The following CDH18 variants were observed in gnomAD, a reference collection of about 807,000 sequenced individuals.
CDH18 encodes cadherin 18.
A neutral mutation model predicts 67.9 loss-of-function variants in CDH18; 31 were observed. The observed-to-expected ratio is 0.46, with a 90% CI of 0.34 to 0.62. The LOEUF (loss-of-function observed/expected upper bound fraction) is 0.62. Ranked by LOEUF, CDH18 falls within the 20% of genes least tolerant of loss-of-function variation. The probability of loss-of-function intolerance (pLI) is 0.01; values close to 1 mark genes in which losing one functional copy is unlikely to be tolerated. For synonymous variants in CDH18, 362 were observed against 347.2 expected, an observed-to-expected ratio of 1.04 and a Z score of -0.48; for missense variants, 890 against 975.5, an observed-to-expected ratio of 0.91 and a Z score of 1.17.
chr5:19,781,023 C>T (rs1033058155), intron 3 of CDH18, among the ~76,000 whole-genome samples: 7 of 152,070 alleles, frequency 4.6e-5, no homozygotes, highest in African/African-American at 1.7e-4. Context: ...GAAAAACTCA[C>T]AAATAAATGT....
intron 5 of CDH18, among the ~76,000 whole-genome samples, chr5:19,719,956 A>AGAAC (rs1765860214): frequency 6.8e-6 from 1 of 146,894 alleles, no homozygotes; most frequent in African/African-American, 2.5e-5. Context: ...AAAGAAAGAA[A>AGAAC]GAAGGAAAGA....
intron 1 of CDH18, among the ~76,000 whole-genome samples, chr5:20,296,365 T>C (rs1038267842): frequency 6.6e-6 from 1 of 151,416 alleles, no homozygotes; most frequent in African/African-American, 2.4e-5. Context: ...GCCATTCTCC[T>C]GCCCTCCTGC....
chr5:19,896,079 G>A (rs778653952), intron 2 of CDH18, among the ~76,000 whole-genome samples: 9 of 152,132 alleles, frequency 5.9e-5, no homozygotes, highest in East Asian at 1.9e-4. Context: ...GAGCTTGGTC[G>A]GACGCAGTGG....
chr5:20,469,176 A>T (rs577355061), intron 1 of CDH18, among the ~76,000 whole-genome samples: 1 of 152,330 alleles, frequency 6.6e-6, no homozygotes, highest in East Asian at 1.9e-4. Context: ...GAAAGACTTC[A>T]AGGGACTTTG....
intron 5 of CDH18, among the ~76,000 whole-genome samples, chr5:19,640,694 G>C (rs750258021): frequency 6.6e-6 from 1 of 151,904 alleles, no homozygotes; most frequent in Non-Finnish European, 1.5e-5. Flanking sequence ...AGCAAAAGCA[G>C]TCCCAAGAAG....
chr5:20,259,166 T>C (rs1744462223), intron 1 of CDH18, among the ~76,000 whole-genome samples: 1 of 152,052 alleles, frequency 6.6e-6, no homozygotes, highest in Non-Finnish European at 1.5e-5. Context: ...CCTCAACCAA[T>C]TGTTAGAAAA....
intron 2 of CDH18, among the ~76,000 whole-genome samples, chr5:19,944,220 T>C (rs1226540243): frequency 2.0e-5 from 3 of 152,158 alleles, no homozygotes; most frequent in African/African-American, 4.8e-5. Context: ...CAATTTTGTT[T>C]TGTTTTTACC....
intron 9 of CDH18, among the ~76,000 whole-genome samples, chr5:19,525,129 G>A (rs761378314): frequency 4.6e-5 from 7 of 152,102 alleles, no homozygotes; most frequent in East Asian, 1.9e-4. Flanking sequence ...AAGGATTCTG[G>A]AAAAACCATA....
At chr5:20,240,664 C>A (rs1255892298) in intron 2 of CDH18, among the ~76,000 whole-genome samples, 1 of 152,134 alleles carries the variant, frequency 6.6e-6, no homozygotes, top group Non-Finnish European at 1.5e-5. Context: ...ATTCTCTTTT[C>A]TTCTTGAATC....
intron 1 of CDH18, among the ~76,000 whole-genome samples, chr5:20,323,450 T>C (rs1004188248): frequency 6.6e-6 from 1 of 152,216 alleles, no homozygotes; most frequent in Non-Finnish European, 1.5e-5. Flanking sequence ...CATTCTGTTT[T>C]AAGAGAATGT....
At chr5:20,130,258 T>A (rs185818174) in intron 2 of CDH18, among the ~76,000 whole-genome samples, 1 of 151,856 alleles carries the variant, frequency 6.6e-6, no homozygotes, top group African/African-American at 2.4e-5. Context: ...AGACAGACAT[T>A]TGTTTTAAGG....
intron 2 of CDH18, among the ~76,000 whole-genome samples, chr5:20,043,949 C>A (rs75440953): frequency 0.011 from 1,747 of 152,240 alleles, 40 homozygotes; most frequent in African/African-American, 0.04. Flanking sequence ...GTTATTCTAT[C>A]CTTACTTCCC....
intron 2 of CDH18, among the ~76,000 whole-genome samples, chr5:20,107,103 C>T (rs1223600001): frequency 2.2e-5 from 3 of 136,108 alleles, no homozygotes; most frequent in East Asian, 2.2e-4. Flanking sequence ...TTTTTTGAGA[C>T]GGAGTCTCGC....
intron 2 of CDH18, among the ~76,000 whole-genome samples, chr5:19,862,435 C>T (rs888022374): frequency 9.9e-5 from 15 of 152,128 alleles, no homozygotes; most frequent in South Asian, 6.2e-4. Context: ...AGTTGAGCAG[C>T]GGTCTTCTGT....
chr5:20,225,767 G>A (rs1281642966), intron 2 of CDH18, among the ~76,000 whole-genome samples: 1 of 152,112 alleles, frequency 6.6e-6, no homozygotes, highest in Non-Finnish European at 1.5e-5. Context: ...TACAGAAGGT[G>A]ACATGACCTG....
intron 5 of CDH18, among the ~76,000 whole-genome samples, chr5:19,707,498 G>A (rs531852146): frequency 1.3e-5 from 2 of 152,130 alleles, no homozygotes; most frequent in Non-Finnish European, 2.9e-5. Flanking sequence ...ACTAATGATA[G>A]CTCTTGGATG....
intron 10 of CDH18, among the ~76,000 whole-genome samples, chr5:19,517,060 AT>A (rs1456825525): frequency 1.3e-5 from 2 of 152,128 alleles, no homozygotes; most frequent in Admixed American, 1.3e-4. Context: ...CTGTCAAAAT[AT>A]GTTTCCCAGT....
chr5:19,501,373 C>T (rs895633160), intron 11 of CDH18, among the ~76,000 whole-genome samples: 18 of 150,242 alleles, frequency 1.2e-4, no homozygotes, highest in African/African-American at 3.7e-4. Flanking sequence ...GAGGCCGAGG[C>T]GGGTAGATCA....
intron 1 of CDH18, among the ~76,000 whole-genome samples, chr5:20,371,914 A>AT (rs1393135361): frequency 6.6e-6 from 1 of 152,180 alleles, no homozygotes; most frequent in Non-Finnish European, 1.5e-5. Context: ...GAAAGCTTCT[A>AT]TTTTGTCAAC....
Sources: allele counts gnomAD v4.1 joint callset (sites outside exome capture counted in the v4.1 genomes callset), GRCh38; gene constraint gnomAD v4.1.1; transcripts MANE v1.5; gene names NCBI Gene and HGNC (gene_info 2026-07-23, HGNC 2026-07-21).